Variants in TBRG1 observed in about 807,000 individuals in gnomAD.
The protein encoded by TBRG1 is transforming growth factor beta regulator 1, also known as nuclear interactor of ARF and MDM2.
TBRG1 carries 31 observed loss-of-function variants against 44.0 expected under a neutral mutation model. That is an observed-to-expected ratio of 0.70 (90% CI 0.53 to 0.95). TBRG1 has a LOEUF of 0.95. Among genes scored for constraint, TBRG1 ranks in the 40% least tolerant of loss-of-function variants. The probability of loss-of-function intolerance (pLI) is 0.00; values close to 1 mark genes in which losing one functional copy is unlikely to be tolerated. For missense variants in TBRG1, 487 were observed against 496.1 expected, an observed-to-expected ratio of 0.98 and a Z score of 0.18; for synonymous variants, 171 against 188.1, an observed-to-expected ratio of 0.91 and a Z score of 0.74.
chr11:124,625,033 C>T (rs1340979116), intron 2 of TBRG1, 32 bp downstream of exon 2: 1 of 1,441,938 alleles, frequency 6.9e-7, no homozygotes, highest in African/African-American at 1.4e-5. Context: ...TTCAGCATCA[C>T]CTTTTTGGTG....
At chr11:124,627,957 T>C (rs1942508163) in intron 5 of TBRG1, among the ~76,000 whole-genome samples, 1 of 149,726 alleles carries the variant, frequency 6.7e-6, no homozygotes, top group African/African-American at 2.4e-5. Context: ...ATCTGTGGAG[T>C]TTTTAATTTT....
intron 7 of TBRG1, 187 bp downstream of exon 7, chr11:124,631,042 TG>T (rs1450806365): frequency 1.1e-5 from 7 of 632,148 alleles, no homozygotes; most frequent in Non-Finnish European, 1.6e-5. Flanking sequence ...CACTGTTCGC[TG>T]ATTATTACTA....
chr11:124,628,098 TATATATATATATATATATACACACACAC>T (rs1942519382), intron 5 of TBRG1, among the ~76,000 whole-genome samples: 3 of 56,382 alleles, frequency 5.3e-5, no homozygotes, highest in Non-Finnish European at 1.0e-4. Flanking sequence ...TATATATATA[TATATATATATATATATATACACACACAC>T]ACACACACAC....
Position 124,630,500 on chromosome 11 carries a change from A to G in TBRG1, c.836+15A>G, listed in dbSNP as rs757786436. The stretch of plus-strand genomic sequence containing the variant: ...AGCACTACTATGTAAGTTGACCAAA[A>G]GCTTGAAAACAGGCTAAAAGATCAC... On this transcript the variant is annotated intron_variant, in intron 6 of 8. Coordinates refer to ENST00000441174, the MANE Select transcript of TBRG1 (RefSeq NM_032811.3). 1 of 1,581,302 alleles carries G rather than the reference A, an allele frequency of 6.3e-7. No homozygotes were observed. Among genetic ancestry groups the G allele is most frequent in the Non-Finnish European group, 8.7e-7 (1 of 1,150,094 alleles).
In TBRG1 at chr11:124,625,920, A is replaced by T. The variant is rs756601310; in HGVS notation, c.454+17A>T. On this transcript the variant is annotated intron_variant, in intron 3 of 8. Coordinates refer to ENST00000441174, the MANE Select transcript of TBRG1 (RefSeq NM_032811.3). Reference sequence around the variant, plus strand: ...AACTGGAAGGTACTTTGGGGAGATGATATCAGTTGCCCCAGTGACTCACCT... The same window carrying T: ...AACTGGAAGGTACTTTGGGGAGATGTTATCAGTTGCCCCAGTGACTCACCT... The T allele has an allele frequency of 3.9e-6, 6 of 1,545,228 alleles. No individual in the cohort carries two copies. Among genetic ancestry groups the T allele is most frequent in the Non-Finnish European group, 5.2e-6 (6 of 1,148,976 alleles).
chr11:124,625,793 T>A lies in TBRG1; in HGVS notation c.344T>A (p.Ile115Lys), dbSNP rs1218076180. The change falls in exon 3 of 9, where the codon ATA becomes AAA. Residue 115 changes from isoleucine to lysine, a missense_variant. By Grantham distance (102) the Ile-to-Lys change is moderately radical. Transcript: ENST00000441174. ...TYGVASSVGT[I>K]QGAGPISGPS... ...GGTGTGGCCAGCTCTGTGGGAACTA[T>A]ACAGGGAGCTGGGCCTATTTCAGGG... The A allele has an allele frequency of 6.3e-7, 1 of 1,581,062 alleles. No individual in the cohort carries two copies. Among genetic ancestry groups the A allele is most frequent in the Admixed American group, 1.8e-5 (1 of 54,776 alleles).
intron 5 of TBRG1, among the ~76,000 whole-genome samples, chr11:124,628,056 G>A (rs1942509861): frequency 8.9e-6 from 1 of 112,426 alleles, no homozygotes; most frequent in African/African-American, 3.1e-5. Context: ...CTAACGTCAA[G>A]TAGCTGTTTT....
rs1942446899 is a variant in TBRG1, at chr11:124,625,559, T to C, written c.222-112T>C. The C allele has an allele frequency of 4.3e-6, 4 of 935,876 alleles. No homozygotes were observed. In the African/African-American group the frequency reaches 6.7e-5, roughly 16 times the overall value. 58.0% of individuals were successfully genotyped at this position (935,876 alleles called of 1,614,324 possible). On this transcript the variant is annotated intron_variant, in intron 2 of 8. Transcript: ENST00000441174. ...GGGCCTAATAAGAACCTTTCTTTTA[T>C]GAGTATAGTAATCTTTGTATATAAT...
chr11:124,630,656 T>A, intron 6 of TBRG1, 89 bp from the exon 7 acceptor site: 1 of 1,082,140 alleles, frequency 9.2e-7, no homozygotes. Flanking sequence ...AGAAAGCTTA[T>A]CCTGTTTGTT....
chr11:124,623,456 A>G, intron 1 of TBRG1: 1 of 658,446 alleles, frequency 1.5e-6, no homozygotes, highest in East Asian at 3.0e-5. Context: ...TGAATATTAA[A>G]TGAGTAAAGA....
chr11:124,628,763 A>G (rs1942543956), intron 5 of TBRG1, among the ~76,000 whole-genome samples: 1 of 152,132 alleles, frequency 6.6e-6, no homozygotes, highest in Admixed American at 6.5e-5. Flanking sequence ...AGTATCAACA[A>G]TTTTAGTATG....
At position 124,626,480 on chromosome 11, in the gene TBRG1, GA is replaced by G; in HGVS notation, c.466del (p.Thr156HisfsTer32). The G allele has an allele frequency of 6.5e-7, 1 of 1,540,598 alleles. No homozygotes were observed. Among genetic ancestry groups the G allele is most frequent in the Non-Finnish European group, 8.8e-7 (1 of 1,141,402 alleles). On this transcript the variant is annotated frameshift_variant, in exon 4 of 9. Transcript: ENST00000441174. LOFTEE classifies it high-confidence loss of function. ...KENNKLEVLK[K>X]TCKKKKMAGG... is the part of the protein sequence containing the mutation. ...CCCAGATTTGCGTTTCAGTTCTGAAGAAAACATGCAAGAAAAAGAAAATGGC... is the reference window on the plus strand; with the variant it reads ...CCCAGATTTGCGTTTCAGTTCTGAAGAAACATGCAAGAAAAAGAAAATGGC...
At chr11:124,628,248 A>G (rs181736537) in intron 5 of TBRG1, among the ~76,000 whole-genome samples, 1 of 149,450 alleles carries the variant, frequency 6.7e-6, no homozygotes, top group Non-Finnish European at 1.5e-5. Context: ...CTTTAGCTTT[A>G]TTGAATATTT....
rs1324356015 is a variant in TBRG1, at chr11:124,634,283, C to G, written c.*2045C>G. On this transcript the variant is annotated 3_prime_UTR_variant, in exon 9 of 9. Coordinates refer to ENST00000441174, the MANE Select transcript of TBRG1 (RefSeq NM_032811.3). ...CCGGGAGGCAGAGGTTGCAGTGAGC[C>G]GAGACCGCGCCACTGCACTCCAGCC... is the stretch of plus-strand genomic sequence containing the variant. 1 of 152,272 alleles carries G rather than the reference C, an allele frequency of 6.6e-6. No individual in the cohort carries two copies. Among genetic ancestry groups the G allele is most frequent in the Non-Finnish European group, 1.5e-5 (1 of 68,162 alleles). 9.4% of individuals were successfully genotyped at this position (152,272 alleles called of 1,614,324 possible). A position where few individuals can be genotyped will look rare whatever the true frequency, so the allele number is the denominator to read the frequency against.
rs1942641356 is a variant in TBRG1 at position 124,632,701 on chromosome 11, T to C, written c.*463T>C. On this transcript the variant is annotated 3_prime_UTR_variant, in exon 9 of 9. Transcript: ENST00000441174. ...TTCTTAGACAGCTGTCTTCCTGCAG[T>C]GTCCTCACGTGGTAGAAGAGGAAGG... 6.4e-6 allele frequency: 1 copy of C among 156,602 alleles called. No homozygotes were observed. Among genetic ancestry groups the C allele is most frequent in the Non-Finnish European group, 1.4e-5 (1 of 71,160 alleles). 9.7% of individuals were successfully genotyped at this position (156,602 alleles called of 1,614,324 possible). A position where few individuals can be genotyped will look rare whatever the true frequency, so the allele number is the denominator to read the frequency against.
intron 5 of TBRG1, among the ~76,000 whole-genome samples, chr11:124,629,205 G>A (rs914303992): frequency 2.0e-5 from 3 of 152,286 alleles, no homozygotes; most frequent in East Asian, 1.9e-4. Flanking sequence ...CGGGCCTGGT[G>A]GCGTGCGCCT....
At position 124,625,012 on chromosome 11, in the gene TBRG1, T is replaced by C. The variant is rs949414829; in HGVS notation, c.221+11T>C. 1.0e-5 allele frequency: 16 copies of C among 1,536,494 alleles called. No homozygotes were observed. In the Admixed American group the frequency reaches 2.2e-4, roughly 21 times the overall value. The stretch of plus-strand genomic sequence containing the variant: ...AAAAGAAGAAAGAAGGTGAGCTGGC[T>C]TCATTTTGTGTTCAGCATCACCTTT... On this transcript the variant is annotated intron_variant, in intron 2 of 8. Coordinates refer to ENST00000441174, the MANE Select transcript of TBRG1 (RefSeq NM_032811.3).
At chr11:124,626,847 T>C in intron 4 of TBRG1, 57 bp from the exon 5 acceptor site, 1 of 1,573,100 alleles carries the variant, frequency 6.4e-7, no homozygotes, top group Non-Finnish European at 8.6e-7. Context: ...CACAGGAAAC[T>C]GGACTTCTAA....
At position 124,622,864 on chromosome 11, in the gene TBRG1, ACTTCC is replaced by A; in HGVS notation, c.-219_-215del. 3 of 507,070 alleles carry A rather than the reference ACTTCC, an allele frequency of 5.9e-6. No individual in the cohort carries two copies. Among genetic ancestry groups the A allele is most frequent in the South Asian group, 6.0e-5 (2 of 33,304 alleles). The allele number at this position is 507,070 out of a possible 1,614,324, so 31.4% of individuals were successfully genotyped here. A position where few individuals can be genotyped will look rare whatever the true frequency, so the allele number is the denominator to read the frequency against. On this transcript the variant is annotated 5_prime_UTR_variant, in exon 1 of 9. Coordinates refer to ENST00000441174, the MANE Select transcript of TBRG1 (RefSeq NM_032811.3). ...GGGACGTAACTTCCGGGAAGGGCTT[ACTTCC>A]AAGACAGACACGGAAGTGCTGGGAG...
Sources: allele counts gnomAD v4.1 joint callset (sites outside exome capture counted in the v4.1 genomes callset), GRCh38; gene constraint gnomAD v4.1.1; transcripts MANE v1.5; gene names NCBI Gene and HGNC (gene_info 2026-07-23, HGNC 2026-07-21).